CSMD1: variants seen among roughly 807,000 people sequenced by gnomAD.
The protein encoded by CSMD1 is CUB and sushi domain-containing protein 1.
Under a neutral mutation model 417.5 loss-of-function variants are expected in CSMD1, and 213 were observed. The observed-to-expected ratio is 0.51, with a 90% CI of 0.46 to 0.57. The LOEUF is 0.57. Among genes scored for constraint, CSMD1 ranks in the 20% least tolerant of loss-of-function variants. The pLI, the probability that CSMD1 is intolerant of heterozygous loss-of-function variation, is 0.00. For missense variants in CSMD1, 6,923 were observed against 4,529.7 expected, an observed-to-expected ratio of 1.53 and a Z score of -15.17; for synonymous variants, 2,862 against 1,736.8, an observed-to-expected ratio of 1.65 and a Z score of -16.11.
intron 49 of CSMD1, among the ~76,000 whole-genome samples, chr8:3,055,342 G>C (rs760110392): frequency 2.0e-5 from 3 of 152,128 alleles, no homozygotes; most frequent in East Asian, 3.9e-4. Flanking sequence ...TTATGGTTTT[G>C]AACCACAGTG....
chr8:3,322,653 G>T (rs1371766169), intron 23 of CSMD1, among the ~76,000 whole-genome samples: 1 of 152,130 alleles, frequency 6.6e-6, no homozygotes. Flanking sequence ...CTGGTCACCT[G>T]GCCTCCAGGT....
intron 1 of CSMD1, among the ~76,000 whole-genome samples, chr8:4,883,016 C>G (rs1803509688): frequency 6.6e-6 from 1 of 152,054 alleles, no homozygotes; most frequent in African/African-American, 2.4e-5. Context: ...GCTGAGAGCT[C>G]CTTTCCACAA....
At chr8:3,097,758 C>A (rs549904173) in intron 46 of CSMD1, among the ~76,000 whole-genome samples, 1 of 151,822 alleles carries the variant, frequency 6.6e-6, no homozygotes, top group Admixed American at 6.6e-5. Context: ...AACCTCGGAT[C>A]GGGGGTGGGG....
At position 3,152,622 on chromosome 8, in the gene CSMD1, T is replaced by C. The variant is rs535887238; in HGVS notation, c.5915-1109A>G. Among the ~76,000 whole-genome samples the C allele has an allele frequency of 2.2e-4, 34 of 152,350 alleles. No individual in the cohort carries two copies. In the Middle Eastern group the frequency reaches 0.01, roughly 46 times the overall value. On this transcript the variant is annotated intron_variant, in intron 39 of 69. Transcript: ENST00000635120. Reference sequence around the variant, plus strand: ...TTGCTCAAGCCAGGGCACCATATTCTGGATTTCAAACATTGTATAAGTTGA... The same window carrying C: ...TTGCTCAAGCCAGGGCACCATATTCCGGATTTCAAACATTGTATAAGTTGA...
chr8:4,274,751 C>G (rs1796378714), intron 3 of CSMD1, among the ~76,000 whole-genome samples: 1 of 152,106 alleles, frequency 6.6e-6, no homozygotes, highest in African/African-American at 2.4e-5. Context: ...GCCTTGTGAT[C>G]AGGAGATACG....
chr8:3,144,065 G>A (rs755334285), intron 40 of CSMD1, among the ~76,000 whole-genome samples: 1 of 152,148 alleles, frequency 6.6e-6, no homozygotes, highest in Non-Finnish European at 1.5e-5. Context: ...GCCCTGCTTG[G>A]TGGGCATCAC....
At chr8:3,642,139 T>G (rs1236016244) in intron 7 of CSMD1, among the ~76,000 whole-genome samples, 1 of 151,640 alleles carries the variant, frequency 6.6e-6, no homozygotes, top group East Asian at 1.9e-4. Flanking sequence ...CTCACACAAA[T>G]AGACAAAGAT....
chr8:4,426,781 GATATT>G (rs1465088255), intron 2 of CSMD1, among the ~76,000 whole-genome samples: 1 of 141,146 alleles, frequency 7.1e-6, no homozygotes, highest in Non-Finnish European at 1.6e-5. Flanking sequence ...CAATACAGAT[GATATT>G]ATATAATATA....
In CSMD1 at chr8:4,070,083, G is replaced by A. The variant is rs374216749; in HGVS notation, c.416-37984C>T. ...TCGCAGTGTTTTAGTGTTTGCTCTT[G>A]GAATTAAAGAAACACCCAAGATTTT... On this transcript the variant is annotated intron_variant, in intron 3 of 69. Transcript: ENST00000635120. Among the ~76,000 whole-genome samples the A allele has an allele frequency of 4.6e-5, 7 of 151,578 alleles. No individual in the cohort carries two copies. The East Asian group carries it at 1.4e-3, about 29-fold the overall frequency.
intron 1 of CSMD1, among the ~76,000 whole-genome samples, chr8:4,875,864 T>C (rs887031914): frequency 2.0e-5 from 3 of 151,902 alleles, no homozygotes; most frequent in African/African-American, 7.3e-5. Flanking sequence ...TAATCTGAAA[T>C]AATTTATGAA....
intron 7 of CSMD1, among the ~76,000 whole-genome samples, chr8:3,632,317 G>A (rs908829166): frequency 9.2e-5 from 14 of 152,046 alleles, no homozygotes; most frequent in South Asian, 4.2e-4. Context: ...GTAAAGCCCC[G>A]TTCGCCTTCT....
At chr8:4,323,643 A>G (rs546092597) in intron 3 of CSMD1, among the ~76,000 whole-genome samples, 2 of 152,168 alleles carry the variant, frequency 1.3e-5, no homozygotes, top group African/African-American at 4.8e-5. Flanking sequence ...AGGAGAAAAA[A>G]CAAATAAGGG....
intron 5 of CSMD1, among the ~76,000 whole-genome samples, chr8:3,861,598 C>G (rs934065801): frequency 6.6e-6 from 1 of 152,170 alleles, no homozygotes; most frequent in East Asian, 1.9e-4. Context: ...GGTTTCTGAG[C>G]TGAAGTGACC....
At chr8:3,948,924 AG>A (rs1811422067) in intron 5 of CSMD1, among the ~76,000 whole-genome samples, 7 of 152,202 alleles carry the variant, frequency 4.6e-5, no homozygotes, top group Admixed American at 2.6e-4. Context: ...TGGTACAAAA[AG>A]CATTAGTAGA....
In CSMD1 at chr8:3,406,148, G is replaced by T. The variant is rs746109911; in HGVS notation, c.2145C>A (p.Leu715=). Residue 715 remains leucine (L), a synonymous_variant, in exon 15 of 70, where the codon CTC becomes CTA. Coordinates refer to ENST00000635120, the MANE Select transcript of CSMD1 (RefSeq NM_033225.6). ...NGRRFGDRFL[L]GSSVSFHCDD... is the part of the protein sequence containing the mutation. The stretch of plus-strand genomic sequence containing the variant: ...CACAGTGGAAAGAAACCGAGCTCCC[G>T]AGTAGAAACCTGTCACCAAAACGTC... The T allele has an allele frequency of 1.9e-6, 3 of 1,613,586 alleles. No individual in the cohort carries two copies. The highest frequency in any genetic ancestry group is 1.1e-5 in the South Asian group (1 of 91,008).
rs183563039 is a variant in CSMD1 at position 3,212,922 on chromosome 8, G to A, written c.4867+1575C>T. ...TCAGCTTCCACAACCTCTGCCTCCC[G>A]GGTTCAAGCGATTCTCCTGCCTCAG... On this transcript the variant is annotated intron_variant, in intron 30 of 69. Transcript: ENST00000635120. Among the ~76,000 whole-genome samples the A allele has an allele frequency of 1.0e-3, 155 of 148,952 alleles. 2 individuals are homozygous for A. The East Asian group carries it at 0.024, about 23-fold the overall frequency.
chr8:4,039,913 G>A lies in CSMD1; in HGVS notation c.416-7814C>T, dbSNP rs530504650. Among the ~76,000 whole-genome samples the A allele has an allele frequency of 3.3e-5, 5 of 152,258 alleles. No homozygotes were observed. In the East Asian group the frequency reaches 9.6e-4, roughly 29 times the overall value. ...CTTAGTTTCTACATCTTAGAAAGGG[G>A]AATGAAAAGTAAAGCTTACTCTTGG... On this transcript the variant is annotated intron_variant, in intron 3 of 69. Transcript: ENST00000635120.
At chr8:3,705,729 C>A (rs17326642) in intron 7 of CSMD1, among the ~76,000 whole-genome samples, 58,085 of 152,044 alleles carry the variant, frequency 0.38, 11,419 homozygotes, top group East Asian at 0.55. Context: ...ATCACTTCTG[C>A]AAGAGAGGTT....
chr8:3,264,271 G>C (rs887830366), intron 26 of CSMD1, among the ~76,000 whole-genome samples: 1 of 152,134 alleles, frequency 6.6e-6, no homozygotes, highest in Non-Finnish European at 1.5e-5. Context: ...TAAGTACCTG[G>C]TTTGGAATTT....
Sources: gnomAD v4.1 joint callset for allele counts (sites outside exome capture counted in the v4.1 genomes callset) on GRCh38, gnomAD v4.1.1 for gene constraint, MANE v1.5 for transcripts, NCBI Gene and HGNC (gene_info 2026-07-23, HGNC 2026-07-21) for gene names.